The following CCSER1 variants were observed in gnomAD, a reference collection of about 807,000 sequenced individuals.
CCSER1 encodes the protein coiled-coil serine rich protein 1, also known as serine-rich coiled-coil domain-containing protein 1.
Under a neutral mutation model 82.0 loss-of-function variants are expected in CCSER1, and 41 were observed. That is an observed-to-expected ratio of 0.50 (90% CI 0.39 to 0.65). CCSER1 has a LOEUF of 0.65. Among genes scored for constraint, CCSER1 ranks in the 30% least tolerant of loss-of-function variants. The pLI is 0.00. For missense variants in CCSER1, 1,119 were observed against 1,064.2 expected (o/e 1.05, Z -0.72); for synonymous variants, 414 against 383.9 (o/e 1.08, Z -0.92).
intron 10 of CCSER1, among the ~76,000 whole-genome samples, chr4:91,454,901 TCA>T (rs1161152330): frequency 9.2e-5 from 14 of 152,098 alleles, no homozygotes; most frequent in Admixed American, 5.2e-4. Context: ...TTTGAAATGT[TCA>T]CAGTTATATT....
At chr4:90,863,144 T>G (rs1028319764) in intron 8 of CCSER1, among the ~76,000 whole-genome samples, 3 of 151,318 alleles carry the variant, frequency 2.0e-5, no homozygotes, top group African/African-American at 4.8e-5. Flanking sequence ...CTGTGTCCAT[T>G]TGTTCTCATT....
chr4:91,403,935 C>T (rs1752513061), intron 10 of CCSER1, among the ~76,000 whole-genome samples: 2 of 152,302 alleles, frequency 1.3e-5, no homozygotes, highest in South Asian at 2.1e-4. Context: ...AGGATTCCCT[C>T]TTTTCCTACT....
intron 9 of CCSER1, among the ~76,000 whole-genome samples, chr4:91,060,709 G>A (rs1394908951): frequency 1.3e-5 from 2 of 151,998 alleles, no homozygotes; most frequent in African/African-American, 4.8e-5. Flanking sequence ...TAGGCCCTGT[G>A]TCCTCATCCA....
chr4:90,559,809 C>CAAAAAAAAAAA (rs1236087772), intron 5 of CCSER1, among the ~76,000 whole-genome samples: 5 of 39,756 alleles, frequency 1.3e-4, no homozygotes, highest in East Asian at 8.1e-4. Context: ...GACTCCGTCT[C>CAAAAAAAAAAA]AAAAAAAAAA....
intron 10 of CCSER1, among the ~76,000 whole-genome samples, chr4:91,122,053 T>C (rs1430663948): frequency 1.3e-5 from 2 of 151,744 alleles, no homozygotes; most frequent in Non-Finnish European, 3.0e-5. Context: ...AAAAATAATT[T>C]TGAAGTTATT....
At chr4:90,671,541 G>A (rs925856525) in intron 6 of CCSER1, among the ~76,000 whole-genome samples, 12 of 151,936 alleles carry the variant, frequency 7.9e-5, no homozygotes, top group African/African-American at 2.9e-4. Flanking sequence ...TCTAATTCTG[G>A]TTCTTTTGTT....
At chr4:91,201,867 TA>T (rs1421528705) in intron 10 of CCSER1, among the ~76,000 whole-genome samples, 3 of 152,004 alleles carry the variant, frequency 2.0e-5, no homozygotes, top group Non-Finnish European at 2.9e-5. Context: ...GACTCAAATA[TA>T]AAAACAATAA....
At chr4:91,540,295 G>T (rs868842628) in intron 10 of CCSER1, among the ~76,000 whole-genome samples, 1 of 152,042 alleles carries the variant, frequency 6.6e-6, no homozygotes, top group Non-Finnish European at 1.5e-5. Flanking sequence ...TCCTACTGTA[G>T]ATTTTAACAA....
At chr4:91,288,072 A>ATG (rs1471716626) in intron 10 of CCSER1, among the ~76,000 whole-genome samples, 1 of 147,584 alleles carries the variant, frequency 6.8e-6, no homozygotes, top group African/African-American at 2.5e-5. Context: ...ATATATATAT[A>ATG]TATACACTCA....
rs558159987 is a variant in CCSER1 at position 90,336,295 on chromosome 4, A to G, written c.1509+23248A>G. Among the ~76,000 whole-genome samples, 38 of 152,318 alleles carry G rather than the reference A, an allele frequency of 2.5e-4. No individual in the cohort carries two copies. In the South Asian group the frequency reaches 5.6e-3, roughly 22 times the overall value. On this transcript the variant is annotated intron_variant, in intron 3 of 10. Coordinates refer to ENST00000509176, the MANE Select transcript of CCSER1 (RefSeq NM_001145065.2). ...AGATTTATTTATTTTGGTGGTATAG[A>G]TTTAGTTAAAGAGTTATCCTTAGGA...
intron 8 of CCSER1, among the ~76,000 whole-genome samples, chr4:90,836,879 G>T (rs962761723): frequency 1.3e-5 from 2 of 152,182 alleles, no homozygotes; most frequent in African/African-American, 4.8e-5. Context: ...TGGCCACTTG[G>T]CCGCTGTTTT....
At chr4:90,989,228 G>A (rs1267190017) in intron 9 of CCSER1, among the ~76,000 whole-genome samples, 2 of 151,732 alleles carry the variant, frequency 1.3e-5, no homozygotes, top group Non-Finnish European at 1.5e-5. Context: ...TGGAGCCTGC[G>A]TGTTTGGGCC....
At position 90,512,454 on chromosome 4, in the gene CCSER1, T is replaced by C. The variant is rs183451201; in HGVS notation, c.1724+44100T>C. Among the ~76,000 whole-genome samples, 7 of 152,322 alleles carry C rather than the reference T, an allele frequency of 4.6e-5. 1 individual carries two copies. Among genetic ancestry groups the C allele is most frequent in the Admixed American group, 3.9e-4 (6 of 15,306 alleles). Reference sequence around the variant, plus strand: ...ACTAGGTATTACATTTGATGATTTATTGTTATGTGATTTTTGGCATTCTTA... The same window carrying C: ...ACTAGGTATTACATTTGATGATTTACTGTTATGTGATTTTTGGCATTCTTA... On this transcript the variant is annotated intron_variant, in intron 5 of 10. Transcript: ENST00000509176.
chr4:90,539,640 T>C (rs1300686849), intron 5 of CCSER1, among the ~76,000 whole-genome samples: 1 of 152,116 alleles, frequency 6.6e-6, no homozygotes, highest in African/African-American at 2.4e-5. Flanking sequence ...CAAATAAATG[T>C]TTGTTGAATG....
At chr4:91,426,131 T>C (rs1753955871) in intron 10 of CCSER1, among the ~76,000 whole-genome samples, 1 of 152,134 alleles carries the variant, frequency 6.6e-6, no homozygotes, top group Non-Finnish European at 1.5e-5. Context: ...AGTGAGCACA[T>C]GCGGTGTTTG....
intron 3 of CCSER1, among the ~76,000 whole-genome samples, chr4:90,323,773 C>G (rs1298454682): frequency 6.6e-6 from 1 of 152,080 alleles, no homozygotes; most frequent in Non-Finnish European, 1.5e-5. Context: ...CACCCACTAA[C>G]TCGTCATTTA....
chr4:90,900,706 T>C (rs929486190), intron 8 of CCSER1, among the ~76,000 whole-genome samples: 3 of 152,022 alleles, frequency 2.0e-5, no homozygotes, highest in African/African-American at 7.2e-5. Context: ...AATCTCTTTA[T>C]GATCAAGAAT....
At chr4:90,880,446 G>T (rs1267820261) in intron 8 of CCSER1, among the ~76,000 whole-genome samples, 1 of 152,160 alleles carries the variant, frequency 6.6e-6, no homozygotes, top group Non-Finnish European at 1.5e-5. Context: ...GGACCCATGG[G>T]AGACTAACTA....
intron 6 of CCSER1, among the ~76,000 whole-genome samples, chr4:90,649,172 C>T (rs1728261368): frequency 6.6e-6 from 1 of 152,110 alleles, no homozygotes; most frequent in African/African-American, 2.4e-5. Flanking sequence ...GGTTAATATG[C>T]AGGACATATT....
Sources: gnomAD v4.1 joint callset for allele counts (sites outside exome capture counted in the v4.1 genomes callset) on GRCh38, gnomAD v4.1.1 for gene constraint, MANE v1.5 for transcripts, NCBI Gene and HGNC (gene_info 2026-07-23, HGNC 2026-07-21) for gene names.